Variants in ZFAND4 observed in about 807,000 individuals in gnomAD.
The protein encoded by ZFAND4 is AN1-type zinc finger protein 4.
ZFAND4 carries 43 observed loss-of-function variants against 64.4 expected under a neutral mutation model. That is an observed-to-expected ratio of 0.67 (90% confidence interval 0.52 to 0.86). The LOEUF (loss-of-function observed/expected upper bound fraction) is 0.86, where lower values mean the gene tolerates loss of function less well. ZFAND4 is among the 40% of genes least tolerant of loss of function. The pLI is 0.00. For synonymous variants in ZFAND4, 296 were observed against 305.7 expected (o/e 0.97, Z 0.33); for missense variants, 929 against 859.8 (o/e 1.08, Z -1.01).
rs187953023 is a variant in ZFAND4, at chr10:45,665,410, G to A, written c.-117-1568C>T. The stretch of plus-strand genomic sequence containing the variant: ...ACAAAAATTAGCCAGGAATGGTGGC[G>A]CACACCTGTAGTCCCAGCTACTCGG... On this transcript the variant is annotated intron_variant, in intron 1 of 9. Coordinates refer to ENST00000344646, the MANE Select transcript of ZFAND4 (RefSeq NM_174890.4). Among the ~76,000 whole-genome samples, 398 of 152,040 alleles carry A rather than the reference G, an allele frequency of 2.6e-3. 2 individuals carry two copies. The highest frequency in any genetic ancestry group is 0.018 in the South Asian group (87 of 4,812).
chr10:45,635,220 A>AAAAAAC (rs2046504798), intron 6 of ZFAND4, among the ~76,000 whole-genome samples: 1 of 138,744 alleles, frequency 7.2e-6, no homozygotes, highest in Non-Finnish European at 1.6e-5. Context: ...AAAACAAAAA[A>AAAAAAC]AAAACAAACA....
At chr10:45,645,147 A>G (rs1034542395) in intron 5 of ZFAND4, among the ~76,000 whole-genome samples, 1 of 152,004 alleles carries the variant, frequency 6.6e-6, no homozygotes. Context: ...AGGCCCAGCT[A>G]ATTTTTTTCC....
At chr10:45,642,499 C>T (rs1319562066) in intron 5 of ZFAND4, among the ~76,000 whole-genome samples, 1 of 150,786 alleles carries the variant, frequency 6.6e-6, no homozygotes, top group Non-Finnish European at 1.5e-5. Context: ...CCCAGCTACT[C>T]AGGAGGCTGA....
At chr10:45,661,396 G>A (rs1368727550) in intron 2 of ZFAND4, among the ~76,000 whole-genome samples, 1 of 151,920 alleles carries the variant, frequency 6.6e-6, no homozygotes, top group Non-Finnish European at 1.5e-5. Flanking sequence ...CACTCCTTCA[G>A]TCCTTTCTCC....
Position 45,635,046 on chromosome 10 carries a change from T to C in ZFAND4, c.717+4770A>G, listed in dbSNP as rs564053096. Among the ~76,000 whole-genome samples the C allele has an allele frequency of 7.9e-5, 12 of 151,874 alleles. No individual in the cohort carries two copies. In the South Asian group the frequency reaches 2.5e-3, roughly 32 times the overall value. The stretch of plus-strand genomic sequence containing the variant: ...GTTCATGAGTTGGAAGAATTAATAT[T>C]GTTAAAATGTCCATACTGCCCAACG... On this transcript the variant is annotated intron_variant, in intron 6 of 9. Transcript: ENST00000344646.
At chr10:45,620,459 C>T (rs1011098402) in intron 8 of ZFAND4, among the ~76,000 whole-genome samples, 10 of 152,066 alleles carry the variant, frequency 6.6e-5, no homozygotes, top group Non-Finnish European at 1.3e-4. Flanking sequence ...TCAGCCTAAT[C>T]AGGTAACAGG....
chr10:45,642,910 CT>C lies in ZFAND4; in HGVS notation c.570-2948del, dbSNP rs749998698. ...AGTGCTATATGTAATTTCTCCAAAT[CT>C]TTTTTTTTTTTTTTTTTTTTTTTGA... is the stretch of plus-strand genomic sequence containing the variant. On this transcript the variant is annotated intron_variant, in intron 5 of 9. Transcript: ENST00000344646. 7.2e-3 allele frequency among the ~76,000 whole-genome samples: 606 copies of C among 83,818 alleles called. 1 individual carries two copies. Among genetic ancestry groups the C allele is most frequent in the African/African-American group, 0.027 (521 of 19,660 alleles). 55.0% of individuals were successfully genotyped at this position (83,818 alleles called of 152,430 possible).
Position 45,670,777 on chromosome 10 carries a change from G to A in ZFAND4, c.-118+1473C>T, listed in dbSNP as rs536704750. Among the ~76,000 whole-genome samples, 93 of 152,258 alleles carry A rather than the reference G, an allele frequency of 6.1e-4. 2 individuals carry two copies. The South Asian group carries it at 7.0e-3, about 12-fold the overall frequency. The stretch of plus-strand genomic sequence containing the variant: ...CCATTCAGGACATAGGCATGAGCAC[G>A]GACTTCATGACTAAAACACCAAAAG... On this transcript the variant is annotated intron_variant, in intron 1 of 9. Coordinates refer to ENST00000344646, the MANE Select transcript of ZFAND4 (RefSeq NM_174890.4).
chr10:45,663,732 G>T lies in ZFAND4; in HGVS notation c.-7C>A. 1 of 1,586,078 alleles carries T rather than the reference G, an allele frequency of 6.3e-7. No individual in the cohort carries two copies. The highest frequency in any genetic ancestry group is 1.2e-5 in the South Asian group (1 of 84,180). On this transcript the variant is annotated 5_prime_UTR_variant, in exon 2 of 10. The change creates a premature stop within an existing upstream ORF in the 5' untranslated region. Transcript: ENST00000344646. ...GCTCTTTTCTGTTATCCATTACTTTGACTTTTCTAGTTCTTCTAAAATATG... is the reference window on the plus strand; with the variant it reads ...GCTCTTTTCTGTTATCCATTACTTTTACTTTTCTAGTTCTTCTAAAATATG...
At chr10:45,635,221 A>C (rs1163136783) in intron 6 of ZFAND4, among the ~76,000 whole-genome samples, 6 of 139,074 alleles carry the variant, frequency 4.3e-5, no homozygotes, top group Middle Eastern at 3.6e-3. Flanking sequence ...AAACAAAAAA[A>C]AAACAAACAA....
At position 45,639,893 on chromosome 10, in the gene ZFAND4, T is replaced by G; in HGVS notation, c.640A>C (p.Ile214Leu). The G allele has an allele frequency of 6.2e-7, 1 of 1,613,746 alleles. No homozygotes were observed. The highest frequency in any genetic ancestry group is 8.5e-7 in the Non-Finnish European group (1 of 1,179,944). The change falls in exon 6 of 10, where the codon ATA becomes CTA. Residue 214 changes from isoleucine (I) to leucine (L), a missense_variant. Coordinates refer to ENST00000344646, the MANE Select transcript of ZFAND4 (RefSeq NM_174890.4). The stretch of plus-strand genomic sequence containing the variant: ...TTCATAGTTATTGAATTTTCAATTA[T>G]CTGTTGCCCAGAAGAAGAAGGCTCA... ...ETEPSSSGQQ[I>L]IENSITMNKM...
At chr10:45,653,418 T>C (rs1457452629) in intron 2 of ZFAND4, among the ~76,000 whole-genome samples, 1 of 152,152 alleles carries the variant, frequency 6.6e-6, no homozygotes, top group Non-Finnish European at 1.5e-5. Context: ...ATTCACAAAC[T>C]ATGCATCTGA....
At chr10:45,648,879 A>AT in intron 4 of ZFAND4, 1 of 916,296 alleles carries the variant, frequency 1.1e-6, no homozygotes, top group Non-Finnish European at 1.3e-6. Context: ...ACTATCAATA[A>AT]TTTTTTTACT....
intron 1 of ZFAND4, among the ~76,000 whole-genome samples, chr10:45,666,795 G>T: frequency 6.6e-6 from 1 of 152,104 alleles, no homozygotes. Flanking sequence ...AATTGTCTTG[G>T]ATCCTTGTTA....
chr10:45,666,148 G>A (rs559701379), intron 1 of ZFAND4, among the ~76,000 whole-genome samples: 1 of 152,278 alleles, frequency 6.6e-6, no homozygotes, highest in African/African-American at 2.4e-5. Flanking sequence ...TTTTCTAAAT[G>A]GTATGGATCA....
At chr10:45,664,712 G>A (rs2048697634) in intron 1 of ZFAND4, among the ~76,000 whole-genome samples, 1 of 151,950 alleles carries the variant, frequency 6.6e-6, no homozygotes, top group South Asian at 2.1e-4. Context: ...ATCATGATGA[G>A]GTCAGGAGAT....
At position 45,656,155 on chromosome 10, in the gene ZFAND4, C is replaced by T. The variant is rs376905523; in HGVS notation, c.185-3096G>A. ...CTGAGGCAGGAGAATGGCTTGAACC[C>T]GGGAGGCGGAGGTTGCAGTGAGCTG... On this transcript the variant is annotated intron_variant, in intron 2 of 9. Coordinates refer to ENST00000344646, the MANE Select transcript of ZFAND4 (RefSeq NM_174890.4). Among the ~76,000 whole-genome samples, 169 of 152,156 alleles carry T rather than the reference C, an allele frequency of 1.1e-3. 1 individual carries two copies. The East Asian group carries it at 0.013, about 11-fold the overall frequency.
chr10:45,641,723 AT>A (rs778488418), intron 5 of ZFAND4, among the ~76,000 whole-genome samples: 4 of 152,354 alleles, frequency 2.6e-5, no homozygotes, highest in Non-Finnish European at 5.9e-5. Context: ...ATTGCCTGCC[AT>A]TTACTGAATG....
Position 45,626,653 on chromosome 10 carries a change from G to A in ZFAND4, c.1170C>T (p.Thr390=), listed in dbSNP as rs751134705. The change falls in exon 7 of 10, where the codon ACC becomes ACT. Residue 390 remains threonine (T), a synonymous_variant. Coordinates refer to ENST00000344646, the MANE Select transcript of ZFAND4 (RefSeq NM_174890.4). ...NIVLPSEECV[T]EQSLLPKVGS... ...CCACTTTAGGTAGAAGTGATTGTTC[G>A]GTTACACATTCTTCTGAAGGTAAGA... 31 of 1,613,996 alleles carry A rather than the reference G, an allele frequency of 1.9e-5. No homozygotes were observed. The highest frequency in any genetic ancestry group is 1.2e-4 in the Admixed American group (7 of 59,990).
Sources: gnomAD v4.1 joint callset for allele counts (sites outside exome capture counted in the v4.1 genomes callset) on GRCh38, gnomAD v4.1.1 for gene constraint, MANE v1.5 for transcripts, NCBI Gene and HGNC (gene_info 2026-07-23, HGNC 2026-07-21) for gene names.